Variants in SRFBP1 observed in about 807,000 individuals in gnomAD.
The protein encoded by SRFBP1 is serum response factor-binding protein 1.
In SRFBP1, 47 loss-of-function variants were observed where a neutral mutation model predicts 45.5. The ratio of observed to expected loss-of-function variants is 1.03; its 90% confidence interval spans 0.82 to 1.32. The LOEUF (loss-of-function observed/expected upper bound fraction) is 1.32. Ranked by LOEUF, SRFBP1 falls within the 40% of genes most tolerant of loss-of-function variation. The pLI, the probability that SRFBP1 is intolerant of heterozygous loss-of-function variation, is 0.00. For missense variants in SRFBP1, 621 were observed against 484.6 expected, an observed-to-expected ratio of 1.28 and a Z score of -2.64; for synonymous variants, 203 against 166.3, an observed-to-expected ratio of 1.22 and a Z score of -1.70.
At chr5:122,059,225 A>G (rs1472333157) in intron 2 of SRFBP1, among the ~76,000 whole-genome samples, 5 of 152,138 alleles carry the variant, frequency 3.3e-5, no homozygotes, top group Admixed American at 6.6e-5. Context: ...CTGAAAGAAT[A>G]ACAGGGTAAC....
At chr5:122,010,333 G>GTATAT in intron 4 of SRFBP1, among the ~76,000 whole-genome samples, 1 of 151,886 alleles carries the variant, frequency 6.6e-6, no homozygotes, top group East Asian at 1.9e-4. Context: ...GTTGACTATA[G>GTATAT]GACATATACA....
At chr5:122,038,777 A>G (rs1052623423) in intron 2 of SRFBP1, among the ~76,000 whole-genome samples, 8 of 152,226 alleles carry the variant, frequency 5.3e-5, no homozygotes, top group Admixed American at 3.3e-4. Flanking sequence ...CTCAAAAACT[A>G]TAGTCATTTG....
At chr5:122,004,528 C>G (rs1440218651) in intron 4 of SRFBP1, among the ~76,000 whole-genome samples, 1 of 152,038 alleles carries the variant, frequency 6.6e-6, no homozygotes, top group Non-Finnish European at 1.5e-5. Context: ...TTTCCTCTTT[C>G]ATTTCTCATT....
chr5:121,965,916 G>A (rs1183057270), intron 1 of SRFBP1, among the ~76,000 whole-genome samples: 4 of 152,116 alleles, frequency 2.6e-5, no homozygotes, highest in East Asian at 1.9e-4. Context: ...CCTGTAAGTT[G>A]TATTTCTAGG....
intron 4 of SRFBP1, among the ~76,000 whole-genome samples, chr5:122,018,146 G>T (rs914405343): frequency 6.6e-6 from 1 of 152,204 alleles, no homozygotes; most frequent in African/African-American, 2.4e-5. Flanking sequence ...AGAAGAGATT[G>T]CAATGGTATG....
intron 2 of SRFBP1, among the ~76,000 whole-genome samples, chr5:122,034,480 A>G (rs1163388811): frequency 6.6e-6 from 1 of 151,798 alleles, no homozygotes; most frequent in Non-Finnish European, 1.5e-5. Context: ...TGTATTGTCC[A>G]TCTTTAATGA....
At chr5:122,046,189 C>T (rs1210042458) in intron 2 of SRFBP1, among the ~76,000 whole-genome samples, 2 of 151,862 alleles carry the variant, frequency 1.3e-5, no homozygotes, top group Non-Finnish European at 2.9e-5. Context: ...TAATGCTATC[C>T]CTCCACCCCC....
intron 4 of SRFBP1, among the ~76,000 whole-genome samples, chr5:122,013,692 A>T (rs553100173): frequency 6.6e-6 from 1 of 152,292 alleles, no homozygotes; most frequent in South Asian, 2.1e-4. Context: ...TAACATTTTA[A>T]TGACTTAACT....
intron 2 of SRFBP1, 149 bp from the exon 3 acceptor site, chr5:121,975,166 G>A: frequency 1.3e-6 from 1 of 761,468 alleles, no homozygotes. Flanking sequence ...TTTTGGGAGT[G>A]GGGGAAATGG....
At chr5:122,070,658 T>G in intron 2 of SRFBP1, 1 of 772,642 alleles carries the variant, frequency 1.3e-6, no homozygotes, top group African/African-American at 1.8e-5. Context: ...AATATGCTAT[T>G]ATTTGCAAAT....
chr5:122,066,104 A>G (rs1391988115), intron 2 of SRFBP1: 1 of 152,128 alleles, frequency 6.6e-6, no homozygotes, highest in Non-Finnish European at 1.5e-5. Context: ...GAAATTGTGC[A>G]CTTGAAAGAA....
At chr5:122,051,935 C>T (rs1366779783) in intron 2 of SRFBP1, among the ~76,000 whole-genome samples, 1 of 152,124 alleles carries the variant, frequency 6.6e-6, no homozygotes, top group Non-Finnish European at 1.5e-5. Flanking sequence ...TCTTGTAAGG[C>T]AGGTCTGATG....
At chr5:122,015,204 C>T (rs1042910923) in intron 4 of SRFBP1, among the ~76,000 whole-genome samples, 1 of 152,258 alleles carries the variant, frequency 6.6e-6, no homozygotes, top group Non-Finnish European at 1.5e-5. Context: ...TACCAACCTT[C>T]TGTAATTAAT....
Position 121,980,459 on chromosome 5 carries a change from G to A in SRFBP1, c.198+5072G>A, listed in dbSNP as rs919346028. ...TGTAGTCTTTCACCCAGCGATTAATGTTCTGTGGCTACATCCGTTAAAACG... is the reference window on the plus strand; with the variant it reads ...TGTAGTCTTTCACCCAGCGATTAATATTCTGTGGCTACATCCGTTAAAACG... On this transcript the variant is annotated intron_variant, in intron 3 of 7. Coordinates refer to ENST00000339397, the MANE Select transcript of SRFBP1 (RefSeq NM_152546.3). 6.6e-5 allele frequency among the ~76,000 whole-genome samples: 10 copies of A among 152,104 alleles called. No homozygotes were observed. The East Asian group carries it at 9.6e-4, about 15-fold the overall frequency.
chr5:122,003,460 T>C (rs1752916135), intron 4 of SRFBP1, among the ~76,000 whole-genome samples: 2 of 152,156 alleles, frequency 1.3e-5, no homozygotes, highest in South Asian at 4.1e-4. Context: ...AATCAAAATA[T>C]GGCACAATAT....
At chr5:122,022,274 C>G (rs1007063567) in intron 6 of SRFBP1, 96 bp from the exon 7 acceptor site, 3 of 1,036,462 alleles carry the variant, frequency 2.9e-6, no homozygotes, top group African/African-American at 1.6e-5. Context: ...TATAGTGGCC[C>G]TTTGAATTAG....
chr5:122,057,344 G>A (rs970383205), intron 2 of SRFBP1, among the ~76,000 whole-genome samples: 2 of 152,002 alleles, frequency 1.3e-5, no homozygotes, highest in African/African-American at 4.8e-5. Flanking sequence ...CAGAAGAAAA[G>A]GAAAGGTTTA....
chr5:121,983,073 A>G (rs576156858), intron 3 of SRFBP1, among the ~76,000 whole-genome samples: 2 of 151,882 alleles, frequency 1.3e-5, no homozygotes, highest in Admixed American at 1.3e-4. Context: ...AACACATAAT[A>G]GGAGACAAAG....
At chr5:122,019,374 T>A in intron 5 of SRFBP1, 33 bp downstream of exon 5, 1 of 1,541,528 alleles carries the variant, frequency 6.5e-7, no homozygotes, top group Non-Finnish European at 8.9e-7. Flanking sequence ...GCCATGTACT[T>A]AATGTATTTG....
Sources: gnomAD v4.1 joint callset for allele counts (sites outside exome capture counted in the v4.1 genomes callset) on GRCh38, gnomAD v4.1.1 for gene constraint, MANE v1.5 for transcripts, NCBI Gene and HGNC (gene_info 2026-07-23, HGNC 2026-07-21) for gene names.